Variants in MGAT4D observed in about 807,000 individuals in gnomAD.
MGAT4D encodes alpha-1,3-mannosyl-glycoprotein 4-beta-N-acetylglucosaminyltransferase-like protein MGAT4D.
MGAT4D carries 34 observed loss-of-function variants against 15.9 expected under a neutral mutation model. The ratio of observed to expected loss-of-function variants is 2.14; its 90% CI spans 1.62 to 2.84. The LOEUF (loss-of-function observed/expected upper bound fraction) is 2.84. Ranked by LOEUF, MGAT4D falls within the 30% of genes most tolerant of loss-of-function variation. The pLI, the probability that MGAT4D is intolerant of heterozygous loss-of-function variation, is 0.00. For missense variants in MGAT4D, 327 were observed against 140.2 expected (o/e 2.33, Z -6.73); for synonymous variants, 112 against 48.2 (o/e 2.33, Z -5.49).
rs1442226352 is a variant in MGAT4D, at chr4:140,493,302, T to G, written c.94+4827A>C. Among the ~76,000 whole-genome samples, 13 of 147,678 alleles carry G rather than the reference T, an allele frequency of 8.8e-5. No homozygotes were observed. The East Asian group carries it at 2.5e-3, about 29-fold the overall frequency. ...TGTTCCTTTACTTTTTTTTTTTTTT[T>G]TTTTTTTTCCTGAGATGGAGTCTCG... On this transcript the variant is annotated intron_variant, in intron 1 of 10. Transcript: ENST00000511113.
At chr4:140,481,562 T>A (rs1336206371) in intron 2 of MGAT4D, among the ~76,000 whole-genome samples, 2 of 152,184 alleles carry the variant, frequency 1.3e-5, no homozygotes, top group Admixed American at 1.3e-4. Context: ...ACAACCCAAA[T>A]GCCTTTCAAC....
chr4:140,452,831 T>C (rs1313074412), intron 9 of MGAT4D, among the ~76,000 whole-genome samples: 2 of 152,114 alleles, frequency 1.3e-5, no homozygotes, highest in Non-Finnish European at 2.9e-5. Flanking sequence ...CAGCCCTAGG[T>C]CCTGAACATT....
At chr4:140,495,102 A>T (rs1733752579) in intron 1 of MGAT4D, among the ~76,000 whole-genome samples, 1 of 151,114 alleles carries the variant, frequency 6.6e-6, no homozygotes, top group African/African-American at 2.4e-5. Flanking sequence ...TACTTCTAAC[A>T]CTCTCCCCCC....
intron 1 of MGAT4D, among the ~76,000 whole-genome samples, chr4:140,490,012 C>T (rs910682663): frequency 2.6e-5 from 4 of 152,248 alleles, no homozygotes; most frequent in Middle Eastern, 3.4e-3. Flanking sequence ...TGTTTCATAA[C>T]GGAAGAGACT....
At chr4:140,476,104 G>A (rs1369156031) in intron 3 of MGAT4D, among the ~76,000 whole-genome samples, 1 of 152,104 alleles carries the variant, frequency 6.6e-6, no homozygotes, top group Non-Finnish European at 1.5e-5. Flanking sequence ...GTGCCACTGT[G>A]CCTGGCCACT....
In MGAT4D at chr4:140,482,391, C is replaced by T. The variant is rs897840681; in HGVS notation, c.189G>A (p.Met63Ile). Residue 63 changes from methionine to isoleucine, a missense_variant, in exon 2 of 11, where the codon ATG becomes ATA. Physicochemically the swap from Met to Ile is conservative, Grantham distance 10 (BLOSUM62 1). Transcript: ENST00000511113. ...RNKTEKNTQE[M>I]MKVLNRMKYE... ...ACTTCATTCGATTCAAAACTTTCAT[C>T]ATCTCTTGGGTATTTTTTTCAGTTT... 4.3e-5 allele frequency: 28 copies of T among 649,104 alleles called. No individual in the cohort carries two copies. The Admixed American group carries it at 7.3e-4, about 17-fold the overall frequency. The allele number at this position is 649,104 out of a possible 1,614,324, so 40.2% of individuals were successfully genotyped here. A position where few individuals can be genotyped will look rare whatever the true frequency, so the allele number is the denominator to read the frequency against.
intron 6 of MGAT4D, among the ~76,000 whole-genome samples, chr4:140,463,493 C>T (rs1009879792): frequency 6.6e-6 from 1 of 152,022 alleles, no homozygotes; most frequent in Non-Finnish European, 1.5e-5. Context: ...GGCAAGAGCT[C>T]ATCCCTGCTC....
At chr4:140,487,986 T>G (rs2126857892) in intron 1 of MGAT4D, among the ~76,000 whole-genome samples, 1 of 152,320 alleles carries the variant, frequency 6.6e-6, no homozygotes, top group East Asian at 1.9e-4. Flanking sequence ...AGTTGACTAC[T>G]ATGCACATTA....
intron 3 of MGAT4D, 87 bp downstream of exon 3, chr4:140,479,403 A>G: frequency 2.6e-6 from 1 of 377,638 alleles, no homozygotes; most frequent in East Asian, 3.8e-5. Context: ...AATCTAAGAT[A>G]ATAATGGATT....
intron 10 of MGAT4D, 101 bp downstream of exon 10, chr4:140,451,309 C>T: frequency 2.5e-6 from 1 of 404,552 alleles, no homozygotes; most frequent in Non-Finnish European, 4.4e-6. Context: ...GCTTAAACAA[C>T]CATATTTTAT....
intron 1 of MGAT4D, among the ~76,000 whole-genome samples, chr4:140,487,821 A>G (rs1197609278): frequency 1.3e-5 from 2 of 152,206 alleles, no homozygotes; most frequent in African/African-American, 2.4e-5. Context: ...TGCACTCACT[A>G]GCTGCATTTC....
intron 9 of MGAT4D, 52 bp downstream of exon 9, chr4:140,456,537 G>T: frequency 5.6e-6 from 3 of 532,986 alleles, no homozygotes; most frequent in Non-Finnish European, 1.0e-5. Context: ...AATTACGTTG[G>T]ATAGATAATA....
intron 10 of MGAT4D, among the ~76,000 whole-genome samples, chr4:140,448,140 C>A (rs540296313): frequency 6.6e-6 from 1 of 152,246 alleles, no homozygotes; most frequent in African/African-American, 2.4e-5. Flanking sequence ...CTTTAGCATT[C>A]TTTCTTTCAT....
At position 140,459,637 on chromosome 4, in the gene MGAT4D, A is replaced by G; in HGVS notation, c.763-11T>C. On this transcript the variant is annotated splice_polypyrimidine_tract_variant and intron_variant, in intron 7 of 10. Transcript: ENST00000511113. ...GATATCATCTTCTAGCTGAAAAAAA[A>G]AACCCAAAAAGACATTAATATCTTT... The G allele has an allele frequency of 2.2e-6, 1 of 444,448 alleles. No homozygotes were observed. Among genetic ancestry groups the G allele is most frequent in the Non-Finnish European group, 4.0e-6 (1 of 249,792 alleles). The allele number at this position is 444,448 out of a possible 1,614,324, so 27.5% of individuals were successfully genotyped here.
intron 9 of MGAT4D, 102 bp from the exon 10 acceptor site, chr4:140,451,619 C>T: frequency 2.5e-6 from 1 of 394,066 alleles, no homozygotes; most frequent in Non-Finnish European, 4.5e-6. Context: ...TGCTAGAGTT[C>T]TATTTTCATA....
At chr4:140,465,865 CACA>C (rs1369626790) in intron 5 of MGAT4D, among the ~76,000 whole-genome samples, 2 of 152,126 alleles carry the variant, frequency 1.3e-5, no homozygotes, top group South Asian at 4.1e-4. Flanking sequence ...ACCAGTCTCC[CACA>C]ACAACACTGT....
intron 6 of MGAT4D, chr4:140,462,408 C>T (rs1242040353): frequency 1.3e-5 from 2 of 156,366 alleles, no homozygotes; most frequent in African/African-American, 4.8e-5. Context: ...AGTTTTCTCC[C>T]CAATTCTTAG....
intron 1 of MGAT4D, among the ~76,000 whole-genome samples, chr4:140,490,025 ATGTGT>A (rs1232487060): frequency 3.3e-5 from 5 of 152,208 alleles, no homozygotes; most frequent in Non-Finnish European, 7.3e-5. Flanking sequence ...AAGAGACTGA[ATGTGT>A]ACTCCTCCAA....
intron 4 of MGAT4D, 64 bp downstream of exon 4, chr4:140,474,749 T>C (rs1732200343): frequency 2.4e-5 from 12 of 503,764 alleles, no homozygotes; most frequent in Non-Finnish European, 1.8e-5. Context: ...TTATTACCAT[T>C]GAGGAAGGGA....
Sources: allele counts gnomAD v4.1 joint callset (sites outside exome capture counted in the v4.1 genomes callset), GRCh38; gene constraint gnomAD v4.1.1; transcripts MANE v1.5; gene names NCBI Gene and HGNC (gene_info 2026-07-23, HGNC 2026-07-21).